The following CCDC170 variants were observed in gnomAD, a reference collection of about 807,000 sequenced individuals.
CCDC170 encodes coiled-coil domain-containing protein 170.
CCDC170 carries 69 observed loss-of-function variants against 72.6 expected under a neutral mutation model. That is an observed-to-expected ratio of 0.95 (90% CI 0.78 to 1.16). The LOEUF (loss-of-function observed/expected upper bound fraction) is 1.16. Among genes scored for constraint, CCDC170 ranks in the 50% most tolerant of loss-of-function variants. The pLI, the probability that CCDC170 is intolerant of heterozygous loss-of-function variation, is 0.00. For missense variants in CCDC170, 852 were observed against 832.5 expected (o/e 1.02, Z -0.29); for synonymous variants, 300 against 303.9 (o/e 0.99, Z 0.13).
chr6:151,504,963 G>T (rs1019643347), intron 1 of CCDC170, among the ~76,000 whole-genome samples: 2 of 152,066 alleles, frequency 1.3e-5, no homozygotes, highest in African/African-American at 4.8e-5. Flanking sequence ...GGAAAAAGGA[G>T]AGACGCTCAG....
intron 9 of CCDC170, among the ~76,000 whole-genome samples, chr6:151,597,953 G>A (rs763144888): frequency 2.6e-5 from 4 of 152,224 alleles, no homozygotes; most frequent in Non-Finnish European, 4.4e-5. Flanking sequence ...CCTTGAACAT[G>A]TGTAGTGGGG....
Sources: allele counts gnomAD v4.1 joint callset (sites outside exome capture counted in the v4.1 genomes callset), GRCh38; gene constraint gnomAD v4.1.1; transcripts MANE v1.5; gene names NCBI Gene and HGNC (gene_info 2026-07-23, HGNC 2026-07-21).